GALNTL6: variants seen among roughly 807,000 people sequenced by gnomAD.
GALNTL6 encodes polypeptide N-acetylgalactosaminyltransferase like 6.
GALNTL6 carries 46 observed loss-of-function variants against 73.7 expected under a neutral mutation model. The observed-to-expected ratio is 0.62, with a 90% confidence interval of 0.49 to 0.80. The LOEUF (loss-of-function observed/expected upper bound fraction) is 0.80, where lower values mean the gene tolerates loss of function less well. GALNTL6 is among the 30% of genes least tolerant of loss of function. GALNTL6 has a pLI of 0.00. For synonymous variants in GALNTL6, 259 were observed against 263.7 expected, an observed-to-expected ratio of 0.98 and a Z score of 0.17; for missense variants, 604 against 755.0, an observed-to-expected ratio of 0.80 and a Z score of 2.34.
In GALNTL6 at chr4:172,909,242, G is replaced by A. The variant is rs2111258937; in HGVS notation, c.1042-21919G>A. Among the ~76,000 whole-genome samples the A allele has an allele frequency of 1.3e-5, 2 of 149,042 alleles. 1 individual carries two copies. Among genetic ancestry groups the A allele is most frequent in the Middle Eastern group, 7.0e-3 (2 of 284 alleles). ...ACAAATCATTTTAAGCATTAAAAAT[G>A]ACAAAAAATATAATTACAAAAGTTA... On this transcript the variant is annotated intron_variant, in intron 8 of 12. Coordinates refer to ENST00000506823, the MANE Select transcript of GALNTL6 (RefSeq NM_001034845.3).
rs568993154 is a variant in GALNTL6, at chr4:171,934,387, G to A, written c.138+119669G>A. On this transcript the variant is annotated intron_variant, in intron 2 of 12. Coordinates refer to ENST00000506823, the MANE Select transcript of GALNTL6 (RefSeq NM_001034845.3). ...AGTAAAAAGACCCTTCTTTATGTAT[G>A]TATGTATATCTATCTGTGCATTTAC... is the stretch of plus-strand genomic sequence containing the variant. Among the ~76,000 whole-genome samples the A allele has an allele frequency of 5.8e-4, 89 of 152,196 alleles. No homozygotes were observed. The Middle Eastern group carries it at 0.01, about 17-fold the overall frequency.
chr4:172,427,376 A>G (rs942578337), intron 5 of GALNTL6, among the ~76,000 whole-genome samples: 4 of 152,088 alleles, frequency 2.6e-5, no homozygotes. Flanking sequence ...ATTATTCTCT[A>G]TTACGAGAAC....
At chr4:172,577,190 C>T (rs1394313514) in intron 5 of GALNTL6, among the ~76,000 whole-genome samples, 1 of 152,112 alleles carries the variant, frequency 6.6e-6, no homozygotes, top group Non-Finnish European at 1.5e-5. Flanking sequence ...TTTTAATATC[C>T]CTGCCCAAGC....
At chr4:172,764,942 G>T (rs1042345027) in intron 5 of GALNTL6, among the ~76,000 whole-genome samples, 2 of 152,212 alleles carry the variant, frequency 1.3e-5, no homozygotes, top group African/African-American at 4.8e-5. Flanking sequence ...ACTTTGTGAA[G>T]AGAGTGTTCA....
At chr4:172,385,422 T>C (rs931030510) in intron 5 of GALNTL6, among the ~76,000 whole-genome samples, 3 of 152,138 alleles carry the variant, frequency 2.0e-5, no homozygotes, top group Non-Finnish European at 2.9e-5. Flanking sequence ...CTTTCAGTTT[T>C]CTTAGTTTTT....
intron 2 of GALNTL6, among the ~76,000 whole-genome samples, chr4:172,008,411 C>T (rs1260372768): frequency 1.3e-5 from 2 of 151,926 alleles, no homozygotes; most frequent in African/African-American, 4.8e-5. Context: ...GGTCTCCATC[C>T]GTGTTAAATC....
intron 5 of GALNTL6, among the ~76,000 whole-genome samples, chr4:172,706,566 T>G (rs1377140220): frequency 6.6e-6 from 1 of 152,140 alleles, no homozygotes; most frequent in Non-Finnish European, 1.5e-5. Flanking sequence ...TTCTAGTCTT[T>G]GCTTTTGCCT....
At chr4:172,543,427 C>T (rs1004641897) in intron 5 of GALNTL6, among the ~76,000 whole-genome samples, 1 of 152,144 alleles carries the variant, frequency 6.6e-6, no homozygotes, top group Non-Finnish European at 1.5e-5. Context: ...GGCTCCTGTG[C>T]GCCCATGCAA....
chr4:171,923,394 C>G (rs1737853416), intron 2 of GALNTL6, among the ~76,000 whole-genome samples: 1 of 114,140 alleles, frequency 8.8e-6, no homozygotes, highest in African/African-American at 4.4e-5. Context: ...TTGACCCTGA[C>G]TTTGTTTTTT....
chr4:172,858,317 A>C (rs185188484), intron 7 of GALNTL6, among the ~76,000 whole-genome samples: 93 of 152,334 alleles, frequency 6.1e-4, no homozygotes, highest in Non-Finnish European at 1.3e-3. Flanking sequence ...TCCAGCAGAA[A>C]ATCATGCAGA....
chr4:172,137,184 A>G (rs1366801698), intron 2 of GALNTL6, among the ~76,000 whole-genome samples: 1 of 152,138 alleles, frequency 6.6e-6, no homozygotes, highest in Non-Finnish European at 1.5e-5. Flanking sequence ...ATACATTAGG[A>G]ACAATTAATA....
chr4:172,145,724 C>A (rs534082334), intron 2 of GALNTL6, among the ~76,000 whole-genome samples: 1 of 152,264 alleles, frequency 6.6e-6, no homozygotes, highest in South Asian at 2.1e-4. Flanking sequence ...CACGTGGCTA[C>A]AGGTAATCAT....
intron 9 of GALNTL6, among the ~76,000 whole-genome samples, chr4:172,941,452 T>C (rs1254848467): frequency 2.0e-5 from 3 of 152,216 alleles, no homozygotes; most frequent in Admixed American, 1.3e-4. Context: ...CCAGTTTGTT[T>C]TGGTTATTCA....
intron 2 of GALNTL6, among the ~76,000 whole-genome samples, chr4:172,013,455 C>T (rs985329892): frequency 5.9e-5 from 9 of 151,392 alleles, no homozygotes; most frequent in African/African-American, 1.9e-4. Context: ...ACTATGTCCT[C>T]GAGTGTCATC....
At chr4:172,831,831 C>A (rs1310452809) in intron 7 of GALNTL6, among the ~76,000 whole-genome samples, 4 of 152,176 alleles carry the variant, frequency 2.6e-5, no homozygotes, top group Non-Finnish European at 4.4e-5. Context: ...CAGAGTTCAC[C>A]TTCTCTCTCC....
At chr4:172,854,414 A>G (rs910294758) in intron 7 of GALNTL6, among the ~76,000 whole-genome samples, 1 of 152,204 alleles carries the variant, frequency 6.6e-6, no homozygotes, top group African/African-American at 2.4e-5. Context: ...GCAAATATAA[A>G]CCAAAGAATT....
rs145119965 is a variant in GALNTL6 at position 172,891,152 on chromosome 4, G to A, written c.1041+8245G>A. On this transcript the variant is annotated intron_variant, in intron 8 of 12. Coordinates refer to ENST00000506823, the MANE Select transcript of GALNTL6 (RefSeq NM_001034845.3). Reference sequence around the variant, plus strand: ...TTTTTTTAATCCAACTTGCCACTCTGTGCTTTTTAAGTGAGGCATTTAGAC... The same window carrying A: ...TTTTTTTAATCCAACTTGCCACTCTATGCTTTTTAAGTGAGGCATTTAGAC... Among the ~76,000 whole-genome samples, 794 of 150,654 alleles carry A rather than the reference G, an allele frequency of 5.3e-3. 11 individuals are homozygous for A. Among genetic ancestry groups the A allele is most frequent in the African/African-American group, 0.018 (743 of 40,824 alleles).
At chr4:172,795,391 A>G (rs915162229) in intron 5 of GALNTL6, among the ~76,000 whole-genome samples, 34 of 152,128 alleles carry the variant, frequency 2.2e-4, no homozygotes, top group African/African-American at 8.2e-4. Flanking sequence ...TGGTTTGGCA[A>G]TTTGGTGGTG....
At chr4:171,881,025 G>A (rs1156656792) in intron 2 of GALNTL6, among the ~76,000 whole-genome samples, 1 of 151,984 alleles carries the variant, frequency 6.6e-6, no homozygotes, top group African/African-American at 2.4e-5. Context: ...CTCCCACCGA[G>A]TATGTAAGAA....
Sources: gnomAD v4.1 joint callset for allele counts (sites outside exome capture counted in the v4.1 genomes callset) on GRCh38, gnomAD v4.1.1 for gene constraint, MANE v1.5 for transcripts, NCBI Gene and HGNC (gene_info 2026-07-23, HGNC 2026-07-21) for gene names.